SMARCAD1: variants seen among roughly 807,000 people sequenced by gnomAD.
SMARCAD1 encodes the protein SNF2 related chromatin remodeling ATPase with DExD box 1.
In SMARCAD1, 25 loss-of-function variants were observed where a neutral mutation model predicts 127.1. That is an observed-to-expected ratio of 0.20 (90% CI 0.14 to 0.27). The LOEUF (loss-of-function observed/expected upper bound fraction) is 0.27, where lower values mean the gene tolerates loss of function less well. Among genes scored for constraint, SMARCAD1 ranks in the 10% least tolerant of loss-of-function variants. The pLI is 1.00. For synonymous variants in SMARCAD1, 400 were observed against 396.9 expected, an observed-to-expected ratio of 1.01 and a Z score of -0.09; for missense variants, 807 against 1,206.0, an observed-to-expected ratio of 0.67 and a Z score of 4.90.
chr4:94,271,416 C>G (rs1752522201), intron 11 of SMARCAD1, among the ~76,000 whole-genome samples: 1 of 152,218 alleles, frequency 6.6e-6, no homozygotes, highest in Admixed American at 6.5e-5. Flanking sequence ...GAAACTTGAC[C>G]TTTAATCTAA....
At position 94,234,238 on chromosome 4, in the gene SMARCAD1, A is replaced by G. The variant is rs1746289990; in HGVS notation, c.537+116A>G. The stretch of plus-strand genomic sequence containing the variant: ...AGATATCTTACGTTTGAAGATATTA[A>G]CTATTAAATCTAAAGGAAGTAAATG... On this transcript the variant is annotated intron_variant, in intron 4 of 23. Coordinates refer to ENST00000354268, the MANE Select transcript of SMARCAD1 (RefSeq NM_020159.5). 4.2e-6 allele frequency: 4 copies of G among 949,714 alleles called. No individual in the cohort carries two copies. In the Admixed American group the frequency reaches 1.0e-4, roughly 24 times the overall value. The allele number at this position is 949,714 out of a possible 1,614,324, so 58.8% of individuals were successfully genotyped here. A position where few individuals can be genotyped will look rare whatever the true frequency, so the allele number is the denominator to read the frequency against.
chr4:94,210,999 A>G (rs1340078505), intron 2 of SMARCAD1, among the ~76,000 whole-genome samples: 1 of 147,074 alleles, frequency 6.8e-6, no homozygotes, highest in Admixed American at 6.9e-5. Flanking sequence ...CTGGCTGGGC[A>G]CAGTGGATCA....
At chr4:94,276,544 A>G in intron 15 of SMARCAD1, 70 bp downstream of exon 15, 1 of 1,537,570 alleles carries the variant, frequency 6.5e-7, no homozygotes. Flanking sequence ...TATATGTAGT[A>G]TTTATTAGCA....
intron 11 of SMARCAD1, among the ~76,000 whole-genome samples, chr4:94,272,955 G>A (rs1752755214): frequency 6.6e-6 from 1 of 151,592 alleles, no homozygotes; most frequent in Non-Finnish European, 1.5e-5. Flanking sequence ...TCACAGACAT[G>A]CGCCACCATG....
chr4:94,270,618 A>T, intron 10 of SMARCAD1, 110 bp from the exon 11 acceptor site: 1 of 860,426 alleles, frequency 1.2e-6, no homozygotes, highest in Non-Finnish European at 2.0e-6. Flanking sequence ...TCTAACAGTT[A>T]AAAGGTAAGA....
At chr4:94,229,096 AATTAAC>A (rs1177271927) in intron 3 of SMARCAD1, among the ~76,000 whole-genome samples, 1 of 152,060 alleles carries the variant, frequency 6.6e-6, no homozygotes, top group East Asian at 1.9e-4. Context: ...TTGATGACTC[AATTAAC>A]GTGGCCCCTG....
At chr4:94,231,088 A>AT (rs1366413109) in intron 3 of SMARCAD1, among the ~76,000 whole-genome samples, 3 of 152,352 alleles carry the variant, frequency 2.0e-5, no homozygotes, top group African/African-American at 7.2e-5. Context: ...TGTAAAAACA[A>AT]TAAGTTTGAG....
intron 23 of SMARCAD1, among the ~76,000 whole-genome samples, chr4:94,286,937 G>A (rs1755022034): frequency 6.6e-6 from 1 of 151,878 alleles, no homozygotes; most frequent in Admixed American, 6.6e-5. Flanking sequence ...CAATCTCCGC[G>A]CACTGCAAGC....
chr4:94,214,424 G>T (rs1410333711), intron 2 of SMARCAD1, among the ~76,000 whole-genome samples: 1 of 135,480 alleles, frequency 7.4e-6, no homozygotes, highest in Non-Finnish European at 1.6e-5. Flanking sequence ...ACCACGCCGG[G>T]CTAATTTTTT....
intron 2 of SMARCAD1, among the ~76,000 whole-genome samples, chr4:94,213,709 G>A (rs970906198): frequency 3.9e-5 from 6 of 152,162 alleles, no homozygotes; most frequent in African/African-American, 1.4e-4. Context: ...AGGATTTACA[G>A]ATAACTCAAA....
At chr4:94,283,338 A>C in intron 22 of SMARCAD1, 35 bp downstream of exon 22, 2 of 1,589,514 alleles carry the variant, frequency 1.3e-6, no homozygotes, top group Non-Finnish European at 1.7e-6. Flanking sequence ...TTTTTAATTC[A>C]GTGCCACTTT....
Position 94,290,018 on chromosome 4 carries a change from C to T in SMARCAD1, c.*484C>T, listed in dbSNP as rs778146732. On this transcript the variant is annotated 3_prime_UTR_variant, in exon 24 of 24. Transcript: ENST00000354268. ...GAATGCAGCTGTATAGATTATATAG[C>T]TTTCATTTTATTGCTATTTGAAGCA... The T allele has an allele frequency of 3.1e-5, 14 of 454,274 alleles. No homozygotes were observed. The highest frequency in any genetic ancestry group is 3.1e-4 in the Admixed American group (13 of 42,536). 28.1% of individuals were successfully genotyped at this position (454,274 alleles called of 1,614,324 possible). A position where few individuals can be genotyped will look rare whatever the true frequency, so the allele number is the denominator to read the frequency against.
intron 14 of SMARCAD1, 107 bp from the exon 15 acceptor site, chr4:94,276,232 C>G (rs1579324777): frequency 1.7e-6 from 2 of 1,166,152 alleles, no homozygotes; most frequent in Non-Finnish European, 2.5e-6. Flanking sequence ...TAAGTACTGG[C>G]TGTTAGAAAT....
intron 9 of SMARCAD1, among the ~76,000 whole-genome samples, chr4:94,260,366 C>CA (rs1377554960): frequency 1.3e-5 from 2 of 151,930 alleles, no homozygotes; most frequent in Admixed American, 1.3e-4. Context: ...TATTTTGAGA[C>CA]AGTCTCTCGC....
chr4:94,248,484 G>A (rs1251636215), intron 6 of SMARCAD1: 2 of 456,174 alleles, frequency 4.4e-6, no homozygotes, highest in Non-Finnish European at 8.8e-6. Flanking sequence ...ATTTCAGTGT[G>A]CCTGGGCTGT....
chr4:94,244,263 A>G (rs1037111718), intron 6 of SMARCAD1, among the ~76,000 whole-genome samples: 4 of 152,244 alleles, frequency 2.6e-5, no homozygotes, highest in African/African-American at 4.8e-5. Context: ...TAGTGCTAGT[A>G]GTGGTTGCTT....
intron 6 of SMARCAD1, among the ~76,000 whole-genome samples, chr4:94,247,189 A>C (rs768956303): frequency 1.3e-5 from 2 of 152,212 alleles, no homozygotes; most frequent in Non-Finnish European, 2.9e-5. Context: ...CCCATACATC[A>C]TGGGTCAGGG....
Position 94,226,255 on chromosome 4 carries a change from A to C in SMARCAD1, c.327A>C (p.Thr109=). The change falls in exon 3 of 24, where the codon ACA becomes ACC. Residue 109 remains threonine (T), a synonymous_variant. Transcript: ENST00000354268. The part of the protein sequence containing the change: ...EDVVSPNCSN[T]VQEKTFNKDT... Reference sequence around the variant, plus strand: ...TCGTTTCCCCAAATTGCTCCAATACAGTTCAAGAGAAAACATTCAACAAAG... The same window carrying C: ...TCGTTTCCCCAAATTGCTCCAATACCGTTCAAGAGAAAACATTCAACAAAG... 2 of 1,613,324 alleles carry C rather than the reference A, an allele frequency of 1.2e-6. No individual in the cohort carries two copies. The highest frequency in any genetic ancestry group is 1.7e-6 in the Non-Finnish European group (2 of 1,179,438).
At chr4:94,268,951 G>T (rs1239328808) in intron 10 of SMARCAD1, among the ~76,000 whole-genome samples, 2 of 152,056 alleles carry the variant, frequency 1.3e-5, no homozygotes, top group Non-Finnish European at 2.9e-5. Flanking sequence ...TACTTTTATA[G>T]TAGTAGCATA....
Sources: allele counts gnomAD v4.1 joint callset (sites outside exome capture counted in the v4.1 genomes callset), GRCh38; gene constraint gnomAD v4.1.1; transcripts MANE v1.5; gene names NCBI Gene and HGNC (gene_info 2026-07-23, HGNC 2026-07-21).